AKAP13: variants seen among roughly 807,000 people sequenced by gnomAD.
The protein encoded by AKAP13 is A-kinase anchor protein 13.
A neutral mutation model predicts 264.5 loss-of-function variants in AKAP13; 80 were observed. That is an observed-to-expected ratio of 0.30 (90% CI 0.25 to 0.36). The LOEUF (loss-of-function observed/expected upper bound fraction) is 0.36, where lower values mean the gene tolerates loss of function less well. Among genes scored for constraint, AKAP13 ranks in the 10% least tolerant of loss-of-function variants. The pLI, the probability that AKAP13 is intolerant of heterozygous loss-of-function variation, is 1.00. For missense variants in AKAP13, 3,712 were observed against 3,435.2 expected (o/e 1.08, Z -2.01); for synonymous variants, 1,380 against 1,250.2 (o/e 1.10, Z -2.19).
At position 85,747,605 on chromosome 15, in the gene AKAP13, T is replaced by C. The variant is rs1222756999; in HGVS notation, c.*2928T>C. On this transcript the variant is annotated 3_prime_UTR_variant, in exon 37 of 37. Transcript: ENST00000394518. ...TCAATTCCAGTCATCTCAGTCGTTG[T>C]CGTTAGGTGACATGTGCACTTTAAA... The C allele has an allele frequency of 6.6e-6, 1 of 152,636 alleles. No individual in the cohort carries two copies. 9.5% of individuals were successfully genotyped at this position (152,636 alleles called of 1,614,324 possible). A position where few individuals can be genotyped will look rare whatever the true frequency, so the allele number is the denominator to read the frequency against.
chr15:85,439,951 C>G (rs1400352062), intron 1 of AKAP13, among the ~76,000 whole-genome samples: 2 of 146,528 alleles, frequency 1.4e-5, no homozygotes, highest in Non-Finnish European at 3.1e-5. Context: ...GCACATGTAC[C>G]CTAAAACTTA....
Position 85,723,041 on chromosome 15 carries a change from A to AT in AKAP13, c.6497-30dup, listed in dbSNP as rs753349282. The stretch of plus-strand genomic sequence containing the variant: ...CTTCTGCCCTTGTCCAAAAAGAGCC[A>AT]TAAAAAACAGAATTATTCTTTCCTT... On this transcript the variant is annotated intron_variant, in intron 25 of 36. Coordinates refer to ENST00000394518, the MANE Select transcript of AKAP13 (RefSeq NM_007200.5). The AT allele has an allele frequency of 1.9e-5, 31 of 1,601,954 alleles. No individual in the cohort carries two copies. In the Middle Eastern group the frequency reaches 6.7e-4, roughly 35 times the overall value.
At chr15:85,678,749 G>C (rs909931754) in intron 14 of AKAP13, among the ~76,000 whole-genome samples, 2 of 152,000 alleles carry the variant, frequency 1.3e-5, no homozygotes, top group African/African-American at 2.4e-5. Context: ...GGCACCTGTA[G>C]TCGCAGTTAC....
intron 2 of AKAP13, among the ~76,000 whole-genome samples, chr15:85,486,283 G>C (rs994848045): frequency 6.7e-6 from 1 of 150,176 alleles, no homozygotes; most frequent in Non-Finnish European, 1.5e-5. Context: ...TTTTGTTGTT[G>C]CTTTTTTTTT....
chr15:85,624,906 A>G (rs1328177263), intron 8 of AKAP13, among the ~76,000 whole-genome samples: 1 of 152,206 alleles, frequency 6.6e-6, no homozygotes, highest in African/African-American at 2.4e-5. Flanking sequence ...AGTAACCTGG[A>G]TAGGTCTGGC....
chr15:85,630,175 A>G (rs1402538717), intron 8 of AKAP13, among the ~76,000 whole-genome samples: 1 of 69,958 alleles, frequency 1.4e-5, no homozygotes, highest in Non-Finnish European at 3.1e-5. Flanking sequence ...ATACACACAC[A>G]CACACACACA....
intron 14 of AKAP13, among the ~76,000 whole-genome samples, chr15:85,679,751 C>T (rs2084479738): frequency 6.6e-6 from 1 of 152,184 alleles, no homozygotes; most frequent in Admixed American, 6.5e-5. Context: ...GAAAGATAAT[C>T]TAGTTGAAAT....
intron 14 of AKAP13, among the ~76,000 whole-genome samples, chr15:85,675,721 T>C (rs1479369156): frequency 6.6e-6 from 1 of 152,160 alleles, no homozygotes; most frequent in Non-Finnish European, 1.5e-5. Context: ...AAAAGTAATA[T>C]TAAAGTTTGG....
At chr15:85,477,464 G>C (rs1040006882) in intron 1 of AKAP13, among the ~76,000 whole-genome samples, 1 of 152,022 alleles carries the variant, frequency 6.6e-6, no homozygotes, top group African/African-American at 2.4e-5. Context: ...CCTCAGGGAA[G>C]TCATGGTGGG....
chr15:85,729,016 G>A (rs1024236355), intron 29 of AKAP13, among the ~76,000 whole-genome samples: 5 of 152,078 alleles, frequency 3.3e-5, no homozygotes, highest in Non-Finnish European at 7.4e-5. Context: ...AATCTGATCA[G>A]TTGGCCAGGC....
chr15:85,449,316 G>A (rs2074004645), intron 1 of AKAP13, among the ~76,000 whole-genome samples: 1 of 152,142 alleles, frequency 6.6e-6, no homozygotes, highest in Admixed American at 6.5e-5. Context: ...ATCAGCTGAA[G>A]GAGCTTTTGG....
At chr15:85,692,209 C>G (rs917186361) in intron 16 of AKAP13, among the ~76,000 whole-genome samples, 8 of 152,132 alleles carry the variant, frequency 5.3e-5, no homozygotes, top group African/African-American at 1.9e-4. Context: ...CAAGCAATAC[C>G]TTTCTGTGTT....
At chr15:85,495,707 T>G (rs2075852213) in intron 2 of AKAP13, among the ~76,000 whole-genome samples, 1 of 152,204 alleles carries the variant, frequency 6.6e-6, no homozygotes, top group East Asian at 1.9e-4. Flanking sequence ...CCACACTTAT[T>G]AGATTTTCAA....
chr15:85,555,632 GTTC>G (rs1250919675), intron 5 of AKAP13: 2 of 500,662 alleles, frequency 4.0e-6, no homozygotes, highest in African/African-American at 2.0e-5. Flanking sequence ...TCAGAAAAGT[GTTC>G]TTCTCTGCAG....
At chr15:85,723,735 AAC>A (rs1229033366) in intron 26 of AKAP13, among the ~76,000 whole-genome samples, 3 of 152,208 alleles carry the variant, frequency 2.0e-5, no homozygotes. Flanking sequence ...GTGAGTTCAA[AAC>A]ACATCACTTG....
At chr15:85,673,732 C>CTGGAGT (rs2084056693) in intron 14 of AKAP13, among the ~76,000 whole-genome samples, 1 of 114,346 alleles carries the variant, frequency 8.7e-6, no homozygotes, top group Non-Finnish European at 1.6e-5. Context: ...GTTGCCCAGG[C>CTGGAGT]TGGAGTGCAG....
intron 9 of AKAP13, among the ~76,000 whole-genome samples, chr15:85,640,007 A>G (rs2082236934): frequency 6.6e-6 from 1 of 152,214 alleles, no homozygotes; most frequent in Non-Finnish European, 1.5e-5. Context: ...ATTCCTAACA[A>G]CACTTGAGGG....
chr15:85,610,980 C>G (rs1222283545), intron 8 of AKAP13, among the ~76,000 whole-genome samples: 1 of 152,064 alleles, frequency 6.6e-6, no homozygotes, highest in Non-Finnish European at 1.5e-5. Context: ...ACTCCACCCC[C>G]CCACTCCCCT....
chr15:85,511,165 C>G lies in AKAP13; in HGVS notation c.34-10263C>G, dbSNP rs548168557. Among the ~76,000 whole-genome samples, 153 of 152,246 alleles carry G rather than the reference C, an allele frequency of 1.0e-3. 1 individual carries two copies. The highest frequency in any genetic ancestry group is 3.6e-3 in the African/African-American group (149 of 41,554). ...TTTTAATGCTGCAAGACTTTTATAT[C>G]CTTGCCTCTTTTGGCTTTGCTGATC... On this transcript the variant is annotated intron_variant, in intron 2 of 36. Transcript: ENST00000394518.
Sources: gnomAD v4.1 joint callset for allele counts (sites outside exome capture counted in the v4.1 genomes callset) on GRCh38, gnomAD v4.1.1 for gene constraint, MANE v1.5 for transcripts, NCBI Gene and HGNC (gene_info 2026-07-23, HGNC 2026-07-21) for gene names.